CMYA5: variants seen among roughly 807,000 people sequenced by gnomAD.
CMYA5 encodes cardiomyopathy-associated protein 5.
CMYA5 carries 246 observed loss-of-function variants against 318.9 expected under a neutral mutation model. The observed-to-expected ratio is 0.77, with a 90% CI of 0.70 to 0.86. The LOEUF is 0.86. Ranked by LOEUF, CMYA5 falls within the 40% of genes least tolerant of loss-of-function variation. The pLI is 0.00. For missense variants in CMYA5, 4,589 were observed against 4,678.2 expected (o/e 0.98, Z 0.56); for synonymous variants, 1,641 against 1,729.5 (o/e 0.95, Z 1.27).
intron 11 of CMYA5, among the ~76,000 whole-genome samples, chr5:79,792,222 A>G (rs1459465844): frequency 1.3e-5 from 2 of 152,216 alleles, no homozygotes; most frequent in African/African-American, 4.8e-5. Context: ...ACTCATCATC[A>G]TCTTCAAGCA....
chr5:79,735,580 TAGA>T lies in CMYA5; in HGVS notation c.6819_6821del (p.Glu2273del). 6.2e-7 allele frequency: 1 copy of T among 1,613,372 alleles called. No homozygotes were observed. The highest frequency in any genetic ancestry group is 8.5e-7 in the Non-Finnish European group (1 of 1,179,696). ...GAAAAATCCATGATTTTATCAAATG[TAGA>T]AGATTTACAACAGCCAAAATTCATT... On this transcript the variant is annotated inframe_deletion, in exon 2 of 13. Transcript: ENST00000446378.
chr5:79,693,534 G>GA (rs1476148056), intron 1 of CMYA5, among the ~76,000 whole-genome samples: 4 of 151,894 alleles, frequency 2.6e-5, no homozygotes, highest in African/African-American at 9.7e-5. Flanking sequence ...AAGAGACAGG[G>GA]TTTTGCCGTG....
intron 2 of CMYA5, among the ~76,000 whole-genome samples, chr5:79,741,330 T>C (rs1426673934): frequency 2.6e-5 from 4 of 152,240 alleles, no homozygotes; most frequent in African/African-American, 9.6e-5. Context: ...ATCTTTCTGA[T>C]GCCAGAGCTC....
chr5:79,713,829 G>T (rs367960342), intron 1 of CMYA5, among the ~76,000 whole-genome samples: 2 of 152,052 alleles, frequency 1.3e-5, no homozygotes, highest in Admixed American at 6.6e-5. Context: ...ATTTTGGTTC[G>T]GGAGGAGTAG....
Position 79,732,228 on chromosome 5 carries a change from G to C in CMYA5, c.3463G>C (p.Ala1155Pro). The C allele has an allele frequency of 6.2e-7, 1 of 1,613,868 alleles. No individual in the cohort carries two copies. The highest frequency in any genetic ancestry group is 1.1e-5 in the South Asian group (1 of 91,076). Residue 1155 changes from alanine (A) to proline (P), a missense_variant, in exon 2 of 13, where the codon GCA (alanine) becomes CCA (proline). Coordinates refer to ENST00000446378, the MANE Select transcript of CMYA5 (RefSeq NM_153610.5). ...SVAAIPAALP[A>P]QSSIVKEETK... ...AGCTGCAATACCTGCTGCTTTACCT[G>C]CACAATCATCTATAGTAAAGGAAGA...
rs76510012 is a variant in CMYA5, at chr5:79,752,612, T to A, written c.10992-64T>A. On this transcript the variant is annotated intron_variant, in intron 5 of 12. Coordinates refer to ENST00000446378, the MANE Select transcript of CMYA5 (RefSeq NM_153610.5). ...AACACCAGCTTCATTTTGAACAATT[T>A]TTTTCACTTTCATTCTGTATGTTAA... is the stretch of plus-strand genomic sequence containing the variant. 1,155 of 1,224,470 alleles carry A rather than the reference T, an allele frequency of 9.4e-4. 10 individuals carry two copies. The African/African-American group carries it at 0.015, about 16-fold the overall frequency. 75.9% of individuals were successfully genotyped at this position (1,224,470 alleles called of 1,614,324 possible).
At chr5:79,726,020 C>G (rs1827740894) in intron 1 of CMYA5, among the ~76,000 whole-genome samples, 1 of 152,152 alleles carries the variant, frequency 6.6e-6, no homozygotes, top group Non-Finnish European at 1.5e-5. Flanking sequence ...TATTTGTACT[C>G]CTAGTATTTG....
intron 5 of CMYA5, among the ~76,000 whole-genome samples, chr5:79,751,014 T>C (rs1001155671): frequency 4.6e-5 from 7 of 152,062 alleles, no homozygotes; most frequent in Non-Finnish European, 1.0e-4. Context: ...ATTTCCGCCC[T>C]CTCCATCCCC....
chr5:79,789,465 C>T (rs1021911731), intron 10 of CMYA5, among the ~76,000 whole-genome samples: 5 of 151,900 alleles, frequency 3.3e-5, no homozygotes, highest in African/African-American at 1.2e-4. Context: ...CACTCTGTCG[C>T]CTAGGCTAGA....
chr5:79,700,299 A>C (rs1580744964), intron 1 of CMYA5, among the ~76,000 whole-genome samples: 1 of 152,168 alleles, frequency 6.6e-6, no homozygotes, highest in East Asian at 1.9e-4. Context: ...GCCTTACGTA[A>C]GTTATTTTCT....
Position 79,777,841 on chromosome 5 carries a change from G to T in CMYA5, c.11556-11130G>T, listed in dbSNP as rs542620411. On this transcript the variant is annotated intron_variant, in intron 9 of 12. Transcript: ENST00000446378. ...TTATTGTTTTAAGAATATAATTTAG[G>T]CCGGGCACAGTGGCTCACGCCTGTA... 2.0e-5 allele frequency among the ~76,000 whole-genome samples: 3 copies of T among 151,952 alleles called. No individual in the cohort carries two copies. The South Asian group carries it at 6.3e-4, about 32-fold the overall frequency.
rs1367535063 is a variant in CMYA5 at position 79,729,973 on chromosome 5, C to T, written c.1208C>T (p.Pro403Leu). 3 of 1,613,864 alleles carry T rather than the reference C, an allele frequency of 1.9e-6. No homozygotes were observed. Among genetic ancestry groups the T allele is most frequent in the South Asian group, 2.2e-5 (2 of 91,068 alleles). Residue 403 changes from proline to leucine, a missense_variant, in exon 2 of 13, where the codon CCA becomes CTA. By Grantham distance (98) the Pro-to-Leu change is moderately conservative (BLOSUM62 -3). Transcript: ENST00000446378. Reference sequence around the variant, plus strand: ...AAGGAAGAATGTGAGCTTGCTTCACCAGGAACTGCAGCTTCAGAGAATGAC... The same window carrying T: ...AAGGAAGAATGTGAGCTTGCTTCACTAGGAACTGCAGCTTCAGAGAATGAC... ...TTKEECELAS[P>L]GTAASENDSS...
chr5:79,787,927 TAACCTGGAAAAA>T (rs1829108651), intron 9 of CMYA5, among the ~76,000 whole-genome samples: 1 of 146,150 alleles, frequency 6.8e-6, no homozygotes, highest in Non-Finnish European at 1.5e-5. Context: ...AAAGTAGAAA[TAACCTGGAAAAA>T]AATTCATCTG....
chr5:79,730,400 G>A lies in CMYA5; in HGVS notation c.1635G>A (p.Lys545=), dbSNP rs145093468. 6.9e-5 allele frequency: 111 copies of A among 1,613,744 alleles called. No individual in the cohort carries two copies. The East Asian group carries it at 2.5e-3, about 36-fold the overall frequency. ...CAGAAAGCCCATTGGTTTCCGAGAA[G>A]CCCTTCCCACCACATATGTCCCCTG... is the stretch of plus-strand genomic sequence containing the variant. The part of the protein sequence containing the change: ...DYPESPLVSE[K]PFPPHMSPEV... The change falls in exon 2 of 13, where the codon AAG becomes AAA. Residue 545 remains lysine, a synonymous_variant. Coordinates refer to ENST00000446378, the MANE Select transcript of CMYA5 (RefSeq NM_153610.5).
At chr5:79,718,133 C>T (rs1451306273) in intron 1 of CMYA5, among the ~76,000 whole-genome samples, 1 of 47,928 alleles carries the variant, frequency 2.1e-5, no homozygotes, top group Non-Finnish European at 3.7e-5. Context: ...GTGATCCGCC[C>T]GCCTCGGCCT....
chr5:79,745,657 C>A lies in CMYA5; in HGVS notation c.10968+202C>A, dbSNP rs573788092. On this transcript the variant is annotated intron_variant, in intron 4 of 12. Coordinates refer to ENST00000446378, the MANE Select transcript of CMYA5 (RefSeq NM_153610.5). ...ACCCTGAAAGCCTCAATGCCCAGAT[C>A]CAGCTGAAAGATACAGCTGAAAGAG... 1.6e-4 allele frequency among the ~76,000 whole-genome samples: 24 copies of A among 152,312 alleles called. No homozygotes were observed. The South Asian group carries it at 4.8e-3, about 30-fold the overall frequency.
Position 79,733,702 on chromosome 5 carries a change from G to T in CMYA5, c.4937G>T (p.Gly1646Val). Reference sequence around the variant, plus strand: ...GGGTCAGAATTTTCTAGTGATTTAGGTAGACAAAGTGGATCCATAGGTACA... The same window carrying T: ...GGGTCAGAATTTTCTAGTGATTTAGTTAGACAAAGTGGATCCATAGGTACA... Reference protein sequence around the residue: ...NAGSEFSSDLGRQSGSIGTKQ... With the variant: ...NAGSEFSSDLVRQSGSIGTKQ... The change falls in exon 2 of 13, where the codon GGT (glycine) becomes GTT (valine). Residue 1646 changes from glycine to valine, a missense_variant. Around this residue, in one of 3 missense-constraint regions of CMYA5, gnomAD observed 2,132 missense variants for 2,131.3 expected, o/e 1.00. Transcript: ENST00000446378. The T allele has an allele frequency of 6.2e-7, 1 of 1,613,858 alleles. No individual in the cohort carries two copies. The highest frequency in any genetic ancestry group is 8.5e-7 in the Non-Finnish European group (1 of 1,179,832).
At chr5:79,754,254 A>G (rs1181876986) in intron 6 of CMYA5, among the ~76,000 whole-genome samples, 1 of 152,184 alleles carries the variant, frequency 6.6e-6, no homozygotes, top group East Asian at 1.9e-4. Context: ...TGAAAAGTTG[A>G]TCTGATGACC....
At chr5:79,699,938 A>G (rs1279023961) in intron 1 of CMYA5, among the ~76,000 whole-genome samples, 1 of 152,194 alleles carries the variant, frequency 6.6e-6, no homozygotes, top group Non-Finnish European at 1.5e-5. Flanking sequence ...ACACCATCCT[A>G]GGTGGTCAGG....
Sources: allele counts gnomAD v4.1 joint callset (sites outside exome capture counted in the v4.1 genomes callset), GRCh38; gene constraint gnomAD v4.1.1; regional missense constraint gnomAD v4.1.1; transcripts MANE v1.5; gene names NCBI Gene and HGNC (gene_info 2026-07-23, HGNC 2026-07-21).